Variants in SAFB observed in about 807,000 individuals in gnomAD.
SAFB encodes the protein scaffold attachment factor B.
A neutral mutation model predicts 101.6 loss-of-function variants in SAFB; 15 were observed. The ratio of observed to expected loss-of-function variants is 0.15; its 90% CI spans 0.10 to 0.23. SAFB has a LOEUF of 0.23. SAFB is among the 10% of genes least tolerant of loss of function. SAFB has a pLI of 1.00. For missense variants in SAFB, 930 were observed against 1,104.1 expected (o/e 0.84, Z 2.23); for synonymous variants, 449 against 407.5 (o/e 1.10, Z -1.23).
chr19:5,652,297 C>G (rs772134856), intron 9 of SAFB, among the ~76,000 whole-genome samples: 1 of 152,180 alleles, frequency 6.6e-6, no homozygotes, highest in African/African-American at 2.4e-5. Flanking sequence ...GCAACACCTG[C>G]GCCAAGTCTC....
intron 2 of SAFB, among the ~76,000 whole-genome samples, chr19:5,634,289 A>G (rs2053550208): frequency 2.0e-5 from 3 of 152,178 alleles, no homozygotes; most frequent in Admixed American, 1.3e-4. Flanking sequence ...TGTGTTCCAT[A>G]ATAGTCTAAA....
intron 1 of SAFB, chr19:5,623,892 G>C (rs1289910715): frequency 1.3e-5 from 2 of 153,382 alleles, no homozygotes; most frequent in African/African-American, 4.8e-5. Context: ...AATCGGGGCT[G>C]ATTTACAAAG....
chr19:5,633,629 A>G (rs1329889567), intron 2 of SAFB, among the ~76,000 whole-genome samples: 1 of 152,084 alleles, frequency 6.6e-6, no homozygotes, highest in Non-Finnish European at 1.5e-5. Context: ...AATACAAAAA[A>G]TTAGGCAGGC....
At chr19:5,659,292 C>T (rs575846084) in intron 14 of SAFB, among the ~76,000 whole-genome samples, 13 of 152,158 alleles carry the variant, frequency 8.5e-5, no homozygotes, top group African/African-American at 3.1e-4. Context: ...GCAACAAGAG[C>T]AAAACGCTGT....
chr19:5,664,514 C>G, intron 17 of SAFB, 75 bp downstream of exon 17: 1 of 1,138,366 alleles, frequency 8.8e-7, no homozygotes, highest in South Asian at 1.2e-5. Context: ...GTGCCTTCTT[C>G]CTGCCCTTTC....
chr19:5,657,152 G>T (rs145580927), intron 13 of SAFB, 89 bp from the exon 14 acceptor site: 4 of 868,068 alleles, frequency 4.6e-6, no homozygotes, highest in Admixed American at 2.1e-5. Flanking sequence ...TGATCCACCC[G>T]CCCTGAACTT....
rs537868981 is a variant in SAFB at position 5,635,120 on chromosome 19, A to G, written c.275-6474A>G. Among the ~76,000 whole-genome samples the G allele has an allele frequency of 3.6e-3, 555 of 152,222 alleles. 2 individuals carry two copies. Among genetic ancestry groups the G allele is most frequent in the African/African-American group, 0.013 (522 of 41,534 alleles). ...GCCATTGCACTCCAGCCTGGGCAAC[A>G]AGAGCGAAACTCCATCTCAAAAAAA... On this transcript the variant is annotated intron_variant, in intron 2 of 20. Transcript: ENST00000588852.
chr19:5,623,274 G>C lies in SAFB; in HGVS notation c.69G>C (p.Ser23=). The C allele has an allele frequency of 6.2e-7, 1 of 1,609,070 alleles. No individual in the cohort carries two copies. The highest frequency in any genetic ancestry group is 8.5e-7 in the Non-Finnish European group (1 of 1,178,074). The change falls in exon 1 of 21, where the codon TCG becomes TCC. Residue 23 remains serine, a synonymous_variant. Transcript: ENST00000588852. ...GCGCGGCGGCTCTGAGCTCCGCCTC[G>C]TCAGAGACCGGGACGCGGCGCCTCA... ...AAGAAALSSA[S]SETGTRRLSD... is the part of the protein sequence containing the mutation.
At chr19:5,662,170 C>T (rs2145488413) in intron 15 of SAFB, among the ~76,000 whole-genome samples, 1 of 152,280 alleles carries the variant, frequency 6.6e-6, no homozygotes, top group Non-Finnish European at 1.5e-5. Flanking sequence ...CAGCTGTGAG[C>T]CACCGCGACC....
chr19:5,640,489 C>T (rs1031434313), intron 2 of SAFB, among the ~76,000 whole-genome samples: 3 of 151,522 alleles, frequency 2.0e-5, no homozygotes, highest in Non-Finnish European at 4.4e-5. Flanking sequence ...CCTCAGCCTC[C>T]CGAGTGGCTG....
chr19:5,660,726 AAAGAC>A (rs1451422075), intron 14 of SAFB, among the ~76,000 whole-genome samples: 1 of 148,464 alleles, frequency 6.7e-6, no homozygotes, highest in African/African-American at 2.5e-5. Context: ...AAAAAAAAAA[AAAGAC>A]AGCCTGGCTC....
intron 14 of SAFB, among the ~76,000 whole-genome samples, chr19:5,659,141 CAAAA>C (rs772619826): frequency 7.7e-6 from 1 of 130,314 alleles, no homozygotes. Context: ...GACTCCGTCT[CAAAA>C]AAAAAAAAAA....
chr19:5,649,110 G>A lies in SAFB; in HGVS notation c.759G>A (p.Lys253=). 1 of 435,378 alleles carries A rather than the reference G, an allele frequency of 2.3e-6. No individual in the cohort carries two copies. The allele number at this position is 435,378 out of a possible 1,614,324, so 27.0% of individuals were successfully genotyped here. Residue 253 remains lysine, a synonymous_variant, in exon 7 of 21, where the codon AAG becomes AAA. Coordinates refer to ENST00000588852, the MANE Select transcript of SAFB (RefSeq NM_001201338.2). The part of the protein sequence containing the change: ...QDTSSVGPDR[K]LAEEEDLFDS... Reference sequence around the variant, plus strand: ...CAAGTAGCGTGGGGCCAGACAGAAAGCTTGCGGAGGAAGAGGACCTATTTG... The same window carrying A: ...CAAGTAGCGTGGGGCCAGACAGAAAACTTGCGGAGGAAGAGGACCTATTTG...
At chr19:5,653,547 A>T (rs1346374639) in intron 11 of SAFB, 127 bp downstream of exon 11, 2 of 748,564 alleles carry the variant, frequency 2.7e-6, no homozygotes, top group South Asian at 1.8e-5. Context: ...GCTCACCTCA[A>T]CTCCACCTCC....
At chr19:5,661,939 C>CA in intron 15 of SAFB, 131 bp downstream of exon 15, 1 of 703,880 alleles carries the variant, frequency 1.4e-6, no homozygotes, top group Admixed American at 2.9e-5. Context: ...GGCTGGAGTG[C>CA]AGTGACCCGA....
chr19:5,653,850 C>G (rs1392298588), intron 11 of SAFB, among the ~76,000 whole-genome samples: 1 of 151,954 alleles, frequency 6.6e-6, no homozygotes, highest in Non-Finnish European at 1.5e-5. Flanking sequence ...CTCCACCTCC[C>G]TGGCTCAACC....
At position 5,626,379 on chromosome 19, in the gene SAFB, C is replaced by A. The variant is rs756022753; in HGVS notation, c.190-26C>A. The A allele has an allele frequency of 3.6e-6, 5 of 1,397,312 alleles. No individual in the cohort carries two copies. The East Asian group carries it at 6.8e-5, about 19-fold the overall frequency. The allele number at this position is 1,397,312 out of a possible 1,614,324, so 86.6% of individuals were successfully genotyped here. On this transcript the variant is annotated intron_variant, in intron 1 of 20. Coordinates refer to ENST00000588852, the MANE Select transcript of SAFB (RefSeq NM_001201338.2). ...CAGTGTGTGAGCTGACTTTTTGGAT[C>A]AACTTTACTTTTCCCTTCTTTTTAG...
rs2053718224 is a variant in SAFB, at chr19:5,641,722, G to T, written c.340-18G>T. ...ACCAGTGGCGGTCACATGATGGTTC[G>T]GTCTGGTTGTGTCACAGGAGGATGT... is the stretch of plus-strand genomic sequence containing the variant. On this transcript the variant is annotated intron_variant, in intron 3 of 20. Coordinates refer to ENST00000588852, the MANE Select transcript of SAFB (RefSeq NM_001201338.2). 6.2e-7 allele frequency: 1 copy of T among 1,613,606 alleles called. No individual in the cohort carries two copies. The highest frequency in any genetic ancestry group is 8.5e-7 in the Non-Finnish European group (1 of 1,179,726).
Position 5,667,843 on chromosome 19 carries a change from C to A in SAFB, c.2581C>A (p.His861Asn). 1 of 1,613,046 alleles carries A rather than the reference C, an allele frequency of 6.2e-7. No homozygotes were observed. The highest frequency in any genetic ancestry group is 1.1e-5 in the South Asian group (1 of 90,934). The change falls in exon 20 of 21, where the codon CAC becomes AAC. Residue 861 changes from histidine (H) to asparagine (N), a missense_variant. By Grantham distance (68) the His-to-Asn change is moderately conservative. Around this residue, in one of 7 missense-constraint regions of SAFB, gnomAD observed 318 missense variants for 342.6 expected, o/e 0.93. Transcript: ENST00000588852. This position sits in a 1 kb window ranked among gnomAD's most constrained non-coding sequence, Gnocchi z 4.0. ...WQGGERSMSG[H>N]SGPGHMMNRG... ...AGGTGGCGAGAGAAGCATGTCCGGT[C>A]ACTCCGGGCCTGGCCACATGATGAA...
Sources: allele counts gnomAD v4.1 joint callset (sites outside exome capture counted in the v4.1 genomes callset), GRCh38; gene constraint gnomAD v4.1.1; regional missense constraint gnomAD v4.1.1; non-coding constraint Gnocchi (gnomAD v3.1); transcripts MANE v1.5; gene names NCBI Gene and HGNC (gene_info 2026-07-23, HGNC 2026-07-21).